The following CYP7B1 variants were observed in gnomAD, a reference collection of about 807,000 sequenced individuals.
CYP7B1 encodes cytochrome P450 7B1.
CYP7B1 carries 29 observed loss-of-function variants against 42.7 expected under a neutral mutation model. That is an observed-to-expected ratio of 0.68 (90% CI 0.51 to 0.93). The LOEUF is 0.93. Among genes scored for constraint, CYP7B1 ranks in the 40% least tolerant of loss-of-function variants. CYP7B1 has a pLI of 0.00. For synonymous variants in CYP7B1, 235 were observed against 218.2 expected (o/e 1.08, Z -0.68); for missense variants, 655 against 600.5 (o/e 1.09, Z -0.95).
Position 64,627,901 on chromosome 8 carries a change from A to G in CYP7B1, c.123-3362T>C, listed in dbSNP as rs558410159. Among the ~76,000 whole-genome samples the G allele has an allele frequency of 7.3e-4, 111 of 152,346 alleles. 1 individual carries two copies. The highest frequency in any genetic ancestry group is 1.2e-3 in the South Asian group (6 of 4,834). On this transcript the variant is annotated intron_variant, in intron 1 of 5. Transcript: ENST00000310193. ...TGTAAAAATTATTTAGGGAGGAAAG[A>G]CATCACCATAATGATCGAGAAAGGC...
chr8:64,673,025 A>G (rs1806389598), intron 1 of CYP7B1, among the ~76,000 whole-genome samples: 1 of 152,128 alleles, frequency 6.6e-6, no homozygotes. Context: ...CAAGGGAGAA[A>G]AAAAGCAAAT....
chr8:64,586,634 GT>G (rs1804972375), downstream of CYP7B1, among the ~76,000 whole-genome samples: 1 of 152,210 alleles, frequency 6.6e-6, no homozygotes, highest in Admixed American at 6.5e-5. Context: ...GAAAGCAGGA[GT>G]GGGAGGGAAC....
chr8:64,789,852 C>T (rs1397985916), intron 1 of CYP7B1, among the ~76,000 whole-genome samples: 1 of 152,128 alleles, frequency 6.6e-6, no homozygotes, highest in South Asian at 2.1e-4. Context: ...CATCTGGGGA[C>T]ACAAATGAAC....
intron 1 of CYP7B1, among the ~76,000 whole-genome samples, chr8:64,631,028 A>G (rs1805687847): frequency 6.6e-6 from 1 of 152,176 alleles, no homozygotes; most frequent in Non-Finnish European, 1.5e-5. Flanking sequence ...AAACATTAAC[A>G]TTAATCTCTT....
chr8:64,683,076 C>G (rs1324758888), intron 1 of CYP7B1, among the ~76,000 whole-genome samples: 1 of 152,224 alleles, frequency 6.6e-6, no homozygotes, highest in Non-Finnish European at 1.5e-5. Flanking sequence ...TGTTTCCTCT[C>G]CATCCAGATC....
intron 1 of CYP7B1, among the ~76,000 whole-genome samples, chr8:64,715,732 C>T (rs940431405): frequency 2.6e-5 from 4 of 152,092 alleles, no homozygotes; most frequent in Admixed American, 1.3e-4. Flanking sequence ...AAGAGGGAAA[C>T]GTAGAGAAAG....
chr8:64,744,273 C>T (rs1350329482), intron 1 of CYP7B1, among the ~76,000 whole-genome samples: 2 of 151,846 alleles, frequency 1.3e-5, no homozygotes, highest in African/African-American at 4.8e-5. Flanking sequence ...ATATCATAGC[C>T]GTTCCATAAG....
Position 64,604,801 on chromosome 8 carries a change from C to T in CYP7B1, c.1114G>A (p.Val372Ile), listed in dbSNP as rs1805253839. Residue 372 changes from valine to isoleucine, a missense_variant, in exon 5 of 6, where the codon GTT (valine) becomes ATT (isoleucine). Coordinates refer to ENST00000310193, the MANE Select transcript of CYP7B1 (RefSeq NM_004820.5). Reference protein sequence around the residue: ...LSSYSTTIRFVEEDLTLSSET... With the variant: ...LSSYSTTIRFIEEDLTLSSET... ...GAACTGAGAGTCAAATCCTCCTCAA[C>T]AAAACGAATGGTGGTTGAATATGAG... 2.5e-6 allele frequency: 4 copies of T among 1,614,090 alleles called. No homozygotes were observed. Among genetic ancestry groups the T allele is most frequent in the Non-Finnish European group, 3.4e-6 (4 of 1,180,032 alleles).
intron 1 of CYP7B1, among the ~76,000 whole-genome samples, chr8:64,774,586 A>G (rs899250295): frequency 1.3e-5 from 2 of 152,168 alleles, no homozygotes; most frequent in African/African-American, 4.8e-5. Context: ...AGCAACCTTG[A>G]ATTAATAGAA....
downstream of CYP7B1, among the ~76,000 whole-genome samples, chr8:64,588,588 C>A (rs1255274347): frequency 6.6e-6 from 1 of 152,222 alleles, no homozygotes; most frequent in African/African-American, 2.4e-5. Flanking sequence ...TACTGAAGAA[C>A]TTGGTGCAAG....
intron 1 of CYP7B1, among the ~76,000 whole-genome samples, chr8:64,716,610 G>A (rs1300234770): frequency 6.6e-6 from 1 of 152,076 alleles, no homozygotes; most frequent in Admixed American, 6.6e-5. Flanking sequence ...AGGAGCCTGG[G>A]GCCTGAGACT....
intron 1 of CYP7B1, among the ~76,000 whole-genome samples, chr8:64,747,686 T>C (rs1172151649): frequency 7.2e-5 from 11 of 151,770 alleles, no homozygotes; most frequent in Non-Finnish European, 1.5e-4. Flanking sequence ...ATATATGTTA[T>C]TTATATATAT....
chr8:64,733,869 C>A (rs1324269080), intron 1 of CYP7B1, among the ~76,000 whole-genome samples: 1 of 151,882 alleles, frequency 6.6e-6, no homozygotes, highest in Non-Finnish European at 1.5e-5. Flanking sequence ...ATTTTGGAGG[C>A]TAAGGAAGGA....
intron 1 of CYP7B1, among the ~76,000 whole-genome samples, chr8:64,715,503 T>C (rs1294202300): frequency 6.6e-6 from 1 of 152,206 alleles, no homozygotes; most frequent in Non-Finnish European, 1.5e-5. Flanking sequence ...ACTTTATTCC[T>C]CCTTATAGAT....
intron 1 of CYP7B1, among the ~76,000 whole-genome samples, chr8:64,710,577 C>A (rs1446757698): frequency 6.6e-6 from 1 of 152,106 alleles, no homozygotes; most frequent in Non-Finnish European, 1.5e-5. Flanking sequence ...AATAATCTTT[C>A]TTTTCTCTGA....
chr8:64,615,182 T>G lies in CYP7B1; in HGVS notation c.901A>C (p.Met301Leu), dbSNP rs1367394805. 1 of 1,613,320 alleles carries G rather than the reference T, an allele frequency of 6.2e-7. No homozygotes were observed. The highest frequency in any genetic ancestry group is 8.5e-7 in the Non-Finnish European group (1 of 1,179,698). Residue 301 changes from methionine (M) to leucine (L), a missense_variant, in exon 4 of 6, where the codon ATG becomes CTG. Transcript: ENST00000310193. ...AGAAGATAATACATTGCCCAGAACA[T>G]AGTTGGAATAGTGTTTGCCACAGAG... is the stretch of plus-strand genomic sequence containing the variant. Reference protein sequence around the residue: ...WASVANTIPTMFWAMYYLLRH... With the variant: ...WASVANTIPTLFWAMYYLLRH...
chr8:64,655,555 C>A (rs138667962), intron 1 of CYP7B1, among the ~76,000 whole-genome samples: 73 of 152,206 alleles, frequency 4.8e-4, no homozygotes, highest in South Asian at 3.1e-3. Flanking sequence ...AAAAGGGAAC[C>A]CTTACACTGT....
intron 5 of CYP7B1, among the ~76,000 whole-genome samples, chr8:64,599,628 T>C (rs1183393785): frequency 6.6e-6 from 1 of 152,230 alleles, no homozygotes; most frequent in African/African-American, 2.4e-5. Context: ...TAATGATTGT[T>C]GCAGTTGACT....
At chr8:64,588,345 A>G (rs368582230), downstream of CYP7B1, among the ~76,000 whole-genome samples, 6 of 152,374 alleles carry the variant, frequency 3.9e-5, no homozygotes, top group South Asian at 1.2e-3. Context: ...CACTGGTTAT[A>G]TAAAGCAATT....
Sources: gnomAD v4.1 joint callset for allele counts (sites outside exome capture counted in the v4.1 genomes callset) on GRCh38, gnomAD v4.1.1 for gene constraint, MANE v1.5 for transcripts, NCBI Gene and HGNC (gene_info 2026-07-23, HGNC 2026-07-21) for gene names.